Variants in FAF1 observed in about 807,000 individuals in gnomAD.
The protein encoded by FAF1 is FAS-associated factor 1.
In FAF1, 25 loss-of-function variants were observed where a neutral mutation model predicts 92.5. That is an observed-to-expected ratio of 0.27 (90% CI 0.20 to 0.38). The LOEUF (loss-of-function observed/expected upper bound fraction) is 0.38. Among genes scored for constraint, FAF1 ranks in the 10% least tolerant of loss-of-function variants. The probability of loss-of-function intolerance (pLI) is 1.00; values close to 1 mark genes in which losing one functional copy is unlikely to be tolerated. For synonymous variants in FAF1, 234 were observed against 273.2 expected (o/e 0.86, Z 1.42); for missense variants, 636 against 793.3 (o/e 0.80, Z 2.38).
At chr1:50,919,184 A>G (rs1319519990) in intron 1 of FAF1, among the ~76,000 whole-genome samples, 1 of 152,168 alleles carries the variant, frequency 6.6e-6, no homozygotes, top group Non-Finnish European at 1.5e-5. Context: ...AAACATGCAA[A>G]TAATGAAAAA....
At chr1:50,773,659 G>C (rs1660850515) in intron 4 of FAF1, among the ~76,000 whole-genome samples, 1 of 152,166 alleles carries the variant, frequency 6.6e-6, no homozygotes, top group South Asian at 2.1e-4. Flanking sequence ...GGGTATAATG[G>C]TAGTTACCAG....
intron 4 of FAF1, among the ~76,000 whole-genome samples, chr1:50,775,684 G>C (rs1660931817): frequency 6.6e-6 from 1 of 151,702 alleles, no homozygotes; most frequent in South Asian, 2.1e-4. Flanking sequence ...AAGGAAGAAA[G>C]AAACGAACAT....
At chr1:50,755,515 C>A (rs372453485) in intron 4 of FAF1, among the ~76,000 whole-genome samples, 1 of 152,130 alleles carries the variant, frequency 6.6e-6, no homozygotes, top group African/African-American at 2.4e-5. Context: ...TCCAGGTTCA[C>A]GGTGCAAGCT....
intron 1 of FAF1, among the ~76,000 whole-genome samples, chr1:50,943,102 C>G (rs931984351): frequency 2.0e-5 from 3 of 152,188 alleles, no homozygotes; most frequent in Non-Finnish European, 1.5e-5. Context: ...ACATCCACTC[C>G]TCATTTCTAA....
intron 13 of FAF1, among the ~76,000 whole-genome samples, chr1:50,545,860 T>C (rs1648989510): frequency 6.6e-6 from 1 of 152,256 alleles, no homozygotes; most frequent in African/African-American, 2.4e-5. Context: ...AACAGCAGAA[T>C]ACTGGGTGTA....
intron 15 of FAF1, among the ~76,000 whole-genome samples, chr1:50,530,238 G>GGTGTGTGTGTGTGT (rs72220248): frequency 4.4e-4 from 63 of 141,674 alleles, no homozygotes; most frequent in African/African-American, 1.4e-3. Context: ...TTTAAGAAGT[G>GGTGTGTGTGTGTGT]GTGTGTGTGT....
chr1:50,787,746 G>C (rs907095880), intron 4 of FAF1, among the ~76,000 whole-genome samples: 6 of 152,212 alleles, frequency 3.9e-5, no homozygotes, highest in Admixed American at 3.3e-4. Flanking sequence ...TTAGATGTTT[G>C]ATTTGCATCA....
intron 9 of FAF1, among the ~76,000 whole-genome samples, chr1:50,588,013 A>T (rs1361340628): frequency 6.6e-6 from 1 of 152,188 alleles, no homozygotes. Flanking sequence ...TCAGCCAGGC[A>T]TGGTGGCTCA....
chr1:50,870,858 T>G (rs1195501720), intron 1 of FAF1, among the ~76,000 whole-genome samples: 1 of 152,220 alleles, frequency 6.6e-6, no homozygotes, highest in Non-Finnish European at 1.5e-5. Flanking sequence ...GTTTCTCATT[T>G]TAAATCAAAA....
At chr1:50,461,009 C>T (rs550997847) in intron 18 of FAF1, among the ~76,000 whole-genome samples, 4 of 152,068 alleles carry the variant, frequency 2.6e-5, no homozygotes, top group East Asian at 3.9e-4. Flanking sequence ...AGTTATGTAC[C>T]GAGTGGTTGA....
chr1:50,588,182 A>C (rs1005757755), intron 9 of FAF1, among the ~76,000 whole-genome samples: 15 of 152,084 alleles, frequency 9.9e-5, no homozygotes, highest in Admixed American at 9.8e-4. Flanking sequence ...AGCTACCTGG[A>C]AGGCTGAGGC....
Position 50,490,623 on chromosome 1 carries a change from C to A in FAF1, c.1618G>T (p.Glu540Ter). Residue 540 changes from glutamate (E) to a stop codon, truncating the protein, a stop_gained, in exon 17 of 19, where the codon GAG (glutamate) becomes TAG (stop). Transcript: ENST00000396153. LOFTEE classifies it high-confidence loss of function. ...EREMAEQFRL[E>*]QIRKEQEEER... ...TCTTCTTGTTCTTTGCGAATCTGCT[C>A]CAAACGAAACTGTTCTGCCATCTCT... 6.2e-7 allele frequency: 1 copy of A among 1,613,428 alleles called. No homozygotes were observed.
At chr1:50,725,253 G>C (rs1415001165) in intron 6 of FAF1, among the ~76,000 whole-genome samples, 1 of 152,142 alleles carries the variant, frequency 6.6e-6, no homozygotes, top group Non-Finnish European at 1.5e-5. Context: ...GGTAGGATCT[G>C]AGGCCCCGTG....
intron 4 of FAF1, among the ~76,000 whole-genome samples, chr1:50,745,254 T>A (rs1659541596): frequency 6.6e-6 from 1 of 152,088 alleles, no homozygotes; most frequent in South Asian, 2.1e-4. Flanking sequence ...TGAGCCGAGA[T>A]CGTGCCACTG....
intron 1 of FAF1, among the ~76,000 whole-genome samples, chr1:50,896,297 A>G (rs904813272): frequency 1.3e-5 from 2 of 152,170 alleles, no homozygotes; most frequent in Admixed American, 1.3e-4. Context: ...AAAAAAGAGT[A>G]TATGGATTGT....
At chr1:50,801,528 C>T (rs982601488) in intron 3 of FAF1, 103 bp downstream of exon 3, 5 of 664,294 alleles carry the variant, frequency 7.5e-6, no homozygotes, top group African/African-American at 3.6e-5. Context: ...ACTTATATAC[C>T]CCAAATCAAT....
intron 1 of FAF1, among the ~76,000 whole-genome samples, chr1:50,897,506 G>C (rs1368018724): frequency 6.6e-6 from 1 of 152,086 alleles, no homozygotes; most frequent in Non-Finnish European, 1.5e-5. Flanking sequence ...ATTTTCAGAG[G>C]GAACTGGACT....
chr1:50,452,272 A>G (rs762159899), intron 18 of FAF1: 24 of 675,204 alleles, frequency 3.6e-5, no homozygotes, highest in Non-Finnish European at 5.4e-5. Flanking sequence ...CCCTGAAAGC[A>G]TAAACTGGAC....
rs1645304814 is a variant in FAF1, at chr1:50,960,117, AG to A, written c.-307del. ...GGTCTTACAGTCGCGGGCCAGGATGAGGGCAGGTTGCGACAGCGCGCACCCG... is the reference window on the plus strand; with the variant it reads ...GGTCTTACAGTCGCGGGCCAGGATGAGGCAGGTTGCGACAGCGCGCACCCG... On this transcript the variant is annotated 5_prime_UTR_variant, in exon 1 of 19. Transcript: ENST00000396153. 3 of 379,960 alleles carry A rather than the reference AG, an allele frequency of 7.9e-6. No homozygotes were observed. Among genetic ancestry groups the A allele is most frequent in the Non-Finnish European group, 4.7e-6 (1 of 213,980 alleles). 23.5% of individuals were successfully genotyped at this position (379,960 alleles called of 1,614,324 possible).
Sources: gnomAD v4.1 joint callset for allele counts (sites outside exome capture counted in the v4.1 genomes callset) on GRCh38, gnomAD v4.1.1 for gene constraint, MANE v1.5 for transcripts, NCBI Gene and HGNC (gene_info 2026-07-23, HGNC 2026-07-21) for gene names.